DEDD: variants seen among roughly 807,000 people sequenced by gnomAD.
DEDD encodes death effector domain-containing protein.
In DEDD, 3 loss-of-function variants were observed where a neutral mutation model predicts 29.2. The observed-to-expected ratio is 0.10, with a 90% confidence interval of 0.05 to 0.27. DEDD has a LOEUF of 0.27. Among genes scored for constraint, DEDD ranks in the 10% least tolerant of loss-of-function variants. The pLI is 1.00. For synonymous variants in DEDD, 152 were observed against 161.3 expected (o/e 0.94, Z 0.44); for missense variants, 261 against 420.5 (o/e 0.62, Z 3.32).
intron 4 of DEDD, 75 bp from the exon 5 acceptor site, chr1:161,123,296 A>G: frequency 7.1e-7 from 1 of 1,408,132 alleles, no homozygotes; most frequent in Non-Finnish European, 1.0e-6. Context: ...TGGAATGAGG[A>G]AGGAATCATT....
rs971915248 is a variant in DEDD at position 161,122,595 on chromosome 1, C to G, written c.581-72G>C. 11 of 1,538,874 alleles carry G rather than the reference C, an allele frequency of 7.1e-6. No homozygotes were observed. The African/African-American group carries it at 1.5e-4, about 21-fold the overall frequency. On this transcript the variant is annotated intron_variant, in intron 5 of 5. Transcript: ENST00000368006. The surrounding 1 kb of genome is among the most constrained non-coding windows in gnomAD (Gnocchi z 4.2). ...TGAGTTTACAAGCCAAGCTTGAAAA[C>G]TGAAAAGCACAACAGAATAAAAAAG...
At chr1:161,128,722 G>T (rs1054339677) in intron 2 of DEDD, among the ~76,000 whole-genome samples, 1 of 151,870 alleles carries the variant, frequency 6.6e-6, no homozygotes, top group South Asian at 2.1e-4. Flanking sequence ...CATGGTAAAG[G>T]GTCAAAAGAA....
At chr1:161,124,064 C>T (rs1655876237) in intron 3 of DEDD, 74 bp downstream of exon 3, 5 of 1,578,358 alleles carry the variant, frequency 3.2e-6, no homozygotes, top group Non-Finnish European at 4.3e-6. Context: ...GTGTCCTCCC[C>T]TTTGGACGCC....
chr1:161,125,846 C>A (rs1656110017), intron 2 of DEDD, among the ~76,000 whole-genome samples: 1 of 152,180 alleles, frequency 6.6e-6, no homozygotes, highest in African/African-American at 2.4e-5. Context: ...TGTCATTTAC[C>A]AATCCCCTAT....
chr1:161,123,477 A>G (rs1470753558), intron 4 of DEDD, among the ~76,000 whole-genome samples: 9 of 152,116 alleles, frequency 5.9e-5, no homozygotes, highest in African/African-American at 2.2e-4. Flanking sequence ...GTCTCTAAAA[A>G]TACAAAAAAT....
intron 2 of DEDD, among the ~76,000 whole-genome samples, chr1:161,128,357 T>G (rs906798865): frequency 6.6e-6 from 1 of 152,142 alleles, no homozygotes; most frequent in Non-Finnish European, 1.5e-5. Flanking sequence ...TCCCTGCACT[T>G]TGAGAGGCCA....
chr1:161,121,989 G>A lies in DEDD; in HGVS notation c.*158C>T, dbSNP rs570312959. On this transcript the variant is annotated 3_prime_UTR_variant, in exon 6 of 6. Transcript: ENST00000368006. ...GGCACATGGGTGCAGGGAGGGGTGG[G>A]GAATACCACTTCCACTTTCTTTTGT... The A allele has an allele frequency of 1.8e-5, 17 of 955,016 alleles. No homozygotes were observed. The South Asian group carries it at 2.4e-4, about 14-fold the overall frequency. The allele number at this position is 955,016 out of a possible 1,614,324, so 59.2% of individuals were successfully genotyped here.
rs927916179 is a variant in DEDD, at chr1:161,121,220, A to G, written c.*927T>C. 1.0e-5 allele frequency: 10 copies of G among 988,604 alleles called. No homozygotes were observed. In the South Asian group the frequency reaches 3.4e-4, roughly 34 times the overall value. The allele number at this position is 988,604 out of a possible 1,614,324, so 61.2% of individuals were successfully genotyped here. A position where few individuals can be genotyped will look rare whatever the true frequency, so the allele number is the denominator to read the frequency against. On this transcript the variant is annotated 3_prime_UTR_variant, in exon 6 of 6. Transcript: ENST00000368006. Reference sequence around the variant, plus strand: ...GTGCATGTCCCAGCCCCATTCTCCCAAGCATGGGAGTGGGCGTAGGAGTGG... The same window carrying G: ...GTGCATGTCCCAGCCCCATTCTCCCGAGCATGGGAGTGGGCGTAGGAGTGG...
At position 161,122,227 on chromosome 1, in the gene DEDD, G is replaced by A. The variant is rs1386867288; in HGVS notation, c.877C>T (p.Leu293=). The change falls in exon 6 of 6, where the codon CTG becomes TTG. Residue 293 remains leucine, a synonymous_variant. Coordinates refer to ENST00000368006, the MANE Select transcript of DEDD (RefSeq NM_032998.3). This position sits in a 1 kb window ranked among gnomAD's most constrained non-coding sequence, Gnocchi z 4.2. ...QAVGHEAIKL[L]VNVDEEDYEL... is the part of the protein sequence containing the mutation. ...TAGTCCTCCTCGTCTACATTTACCA[G>A]CAGCTTGATGGCTTCATGGCCCACA... The A allele has an allele frequency of 6.2e-7, 1 of 1,614,222 alleles. No individual in the cohort carries two copies.
At chr1:161,131,778 T>C (rs1557985819) in intron 1 of DEDD, among the ~76,000 whole-genome samples, 1 of 152,032 alleles carries the variant, frequency 6.6e-6, no homozygotes, top group Non-Finnish European at 1.5e-5. Context: ...GCTAAGGGCC[T>C]GGCAATTAGA....
In DEDD at chr1:161,122,162, C is replaced by T. The variant is rs200345540; in HGVS notation, c.942G>A (p.Leu314=). 28 of 1,613,344 alleles carry T rather than the reference C, an allele frequency of 1.7e-5. No homozygotes were observed. In the East Asian group the frequency reaches 4.2e-4, roughly 24 times the overall value. Reference sequence around the variant, plus strand: ...AGGGAATAGGTCAGGGCAATGCTTGCAGCATCAAGTTCCTCAGGAGTTTCT... The same window carrying T: ...AGGGAATAGGTCAGGGCAATGCTTGTAGCATCAAGTTCCTCAGGAGTTTCT... ...GRQKLLRNLM[L]QALP is the part of the protein sequence containing the mutation. Residue 314 remains leucine, a synonymous_variant, in exon 6 of 6, where the codon CTG becomes CTA. Coordinates refer to ENST00000368006, the MANE Select transcript of DEDD (RefSeq NM_032998.3). The surrounding 1 kb of genome is among the most constrained non-coding windows in gnomAD (Gnocchi z 4.2).
intron 2 of DEDD, among the ~76,000 whole-genome samples, chr1:161,129,678 C>T (rs1656514707): frequency 6.6e-6 from 1 of 151,882 alleles, no homozygotes; most frequent in Non-Finnish European, 1.5e-5. Context: ...TTAAAACATA[C>T]AGAGATTCTA....
chr1:161,124,062 C>T (rs890032153), intron 3 of DEDD, 76 bp downstream of exon 3: 20 of 1,577,772 alleles, frequency 1.3e-5, no homozygotes, highest in Non-Finnish European at 1.6e-5. Flanking sequence ...ATGTGTCCTC[C>T]CCTTTGGACG....
chr1:161,123,635 C>CA lies in DEDD; in HGVS notation c.433+203dup, dbSNP rs35678373. On this transcript the variant is annotated intron_variant, in intron 4 of 5. Coordinates refer to ENST00000368006, the MANE Select transcript of DEDD (RefSeq NM_032998.3). ...TGGGCGACAGAGGGAGACTCTGTCT[C>CA]AAAAAAAAAAAAAAAAAAGACAAGA... Among the ~76,000 whole-genome samples the CA allele has an allele frequency of 8.4e-3, 748 of 88,818 alleles. 4 individuals carry two copies. The highest frequency in any genetic ancestry group is 0.026 in the African/African-American group (573 of 21,692). The allele number at this position is 88,818 out of a possible 152,430, so 58.3% of individuals were successfully genotyped here. A position where few individuals can be genotyped will look rare whatever the true frequency, so the allele number is the denominator to read the frequency against.
chr1:161,130,386 A>C (rs1656568481), intron 2 of DEDD, among the ~76,000 whole-genome samples: 1 of 152,228 alleles, frequency 6.6e-6, no homozygotes, highest in South Asian at 2.1e-4. Context: ...ATTACATAGT[A>C]TGTTTTCAAA....
At position 161,122,042 on chromosome 1, in the gene DEDD, G is replaced by T. The variant is rs969645066; in HGVS notation, c.*105C>A. The T allele has an allele frequency of 2.5e-6, 3 of 1,199,862 alleles. No individual in the cohort carries two copies. The highest frequency in any genetic ancestry group is 3.4e-6 in the Non-Finnish European group (3 of 892,040). 74.3% of individuals were successfully genotyped at this position (1,199,862 alleles called of 1,614,324 possible). A position where few individuals can be genotyped will look rare whatever the true frequency, so the allele number is the denominator to read the frequency against. ...TTTTCTTTAAAAAAAAAAAAAAAAA[G>T]GCAGGGGTGTGATTGGTTGGAAGGG... is the stretch of plus-strand genomic sequence containing the variant. On this transcript the variant is annotated 3_prime_UTR_variant, in exon 6 of 6. Transcript: ENST00000368006. This position sits in a 1 kb window ranked among gnomAD's most constrained non-coding sequence, Gnocchi z 4.2.
chr1:161,124,096 C>G, intron 3 of DEDD, 42 bp downstream of exon 3: 1 of 1,590,108 alleles, frequency 6.3e-7, no homozygotes, highest in Non-Finnish European at 8.6e-7. Context: ...TTCCTGGCCT[C>G]CCACAACTCT....
In DEDD at chr1:161,122,704, G is replaced by C. The variant is rs527477783; in HGVS notation, c.581-181C>G. ...CTGAAATCCTTGCCTGAATGCAGGA[G>C]GTTCCCTTAAACGGGACATGCCGAG... On this transcript the variant is annotated intron_variant, in intron 5 of 5. Transcript: ENST00000368006. The surrounding 1 kb of genome is among the most constrained non-coding windows in gnomAD (Gnocchi z 4.2). Among the ~76,000 whole-genome samples the C allele has an allele frequency of 1.3e-5, 2 of 152,308 alleles. No homozygotes were observed. The highest frequency in any genetic ancestry group is 3.9e-4 in the East Asian group (2 of 5,192).
intron 2 of DEDD, among the ~76,000 whole-genome samples, chr1:161,125,835 A>G (rs1253404087): frequency 6.6e-6 from 1 of 152,180 alleles, no homozygotes; most frequent in Non-Finnish European, 1.5e-5. Context: ...TTCCTCATGG[A>G]TGTCATTTAC....
Sources: gnomAD v4.1 joint callset for allele counts (sites outside exome capture counted in the v4.1 genomes callset) on GRCh38, gnomAD v4.1.1 for gene constraint, Gnocchi (gnomAD v3.1) non-coding constraint, MANE v1.5 for transcripts, NCBI Gene and HGNC (gene_info 2026-07-23, HGNC 2026-07-21) for gene names.